Variants in CC2D2B observed in about 807,000 individuals in gnomAD.
CC2D2B encodes protein CC2D2B.
A neutral mutation model predicts 161.2 loss-of-function variants in CC2D2B; 128 were observed. The ratio of observed to expected loss-of-function variants is 0.79; its 90% CI spans 0.69 to 0.92. The LOEUF is 0.92. Ranked by LOEUF, CC2D2B falls within the 40% of genes least tolerant of loss-of-function variation. The pLI, the probability that CC2D2B is intolerant of heterozygous loss-of-function variation, is 0.00. For synonymous variants in CC2D2B, 391 were observed against 449.8 expected, an observed-to-expected ratio of 0.87 and a Z score of 1.65; for missense variants, 1,173 against 1,375.1, an observed-to-expected ratio of 0.85 and a Z score of 2.32.
At chr10:96,016,108 GAGTAC>G in intron 29 of CC2D2B, 88 bp from the exon 30 acceptor site, 1 of 758,070 alleles carries the variant, frequency 1.3e-6, no homozygotes, top group Non-Finnish European at 2.2e-6. Context: ...GAACTGGAGT[GAGTAC>G]AGGTGCTCCG....
intron 25 of CC2D2B, among the ~76,000 whole-genome samples, chr10:96,005,060 A>G (rs1373795928): frequency 6.6e-6 from 1 of 152,218 alleles, no homozygotes; most frequent in Non-Finnish European, 1.5e-5. Context: ...CTTTAAATCA[A>G]CCATGATAAA....
intron 30 of CC2D2B, among the ~76,000 whole-genome samples, chr10:96,016,605 A>C (rs779485616): frequency 6.6e-6 from 1 of 152,242 alleles, no homozygotes; most frequent in Non-Finnish European, 1.5e-5. Context: ...GACTGAGAGC[A>C]GCACCTGGAC....
At chr10:95,939,942 A>G (rs1379585014) in intron 9 of CC2D2B, among the ~76,000 whole-genome samples, 2 of 152,216 alleles carry the variant, frequency 1.3e-5, no homozygotes, top group African/African-American at 4.8e-5. Context: ...ACATTACTAT[A>G]AAGAAATACC....
intron 6 of CC2D2B, among the ~76,000 whole-genome samples, chr10:95,934,427 A>T (rs1240711223): frequency 7.3e-6 from 1 of 136,924 alleles, no homozygotes; most frequent in African/African-American, 2.7e-5. Context: ...TCCAGGCACC[A>T]CTGGGGTATG....
intron 12 of CC2D2B, 146 bp downstream of exon 12, chr10:95,962,115 CAT>C (rs57738249): frequency 0.46 from 140,974 of 305,466 alleles, 26,018 homozygotes; most frequent in Admixed American, 0.53. Flanking sequence ...AATACATAAA[CAT>C]ATATATATAT....
intron 10 of CC2D2B, 54 bp downstream of exon 10, chr10:95,950,159 T>A: frequency 2.5e-6 from 1 of 398,294 alleles, no homozygotes. Flanking sequence ...AAAGAAAAAA[T>A]TCCTTGTGCA....
At chr10:95,999,446 G>T (rs2039617) in intron 24 of CC2D2B, among the ~76,000 whole-genome samples, 2 of 150,654 alleles carry the variant, frequency 1.3e-5, no homozygotes, top group African/African-American at 2.4e-5. Flanking sequence ...ACTTTTGTCT[G>T]TTTTTCTTTT....
intron 24 of CC2D2B, chr10:96,000,017 T>G: frequency 7.5e-7 from 1 of 1,326,072 alleles, no homozygotes; most frequent in Non-Finnish European, 1.0e-6. Context: ...CCCTTCTTTG[T>G]TTACAACAAT....
chr10:95,960,838 T>G (rs1590614430), intron 11 of CC2D2B, among the ~76,000 whole-genome samples: 1 of 152,160 alleles, frequency 6.6e-6, no homozygotes, highest in Non-Finnish European at 1.5e-5. Context: ...TCTATCTTCA[T>G]GCACTTTAAG....
At chr10:95,935,203 A>C (rs1019316596) in intron 6 of CC2D2B, among the ~76,000 whole-genome samples, 10 of 152,246 alleles carry the variant, frequency 6.6e-5, no homozygotes, top group African/African-American at 1.9e-4. Context: ...TCACAGTAGT[A>C]AATGGCAATT....
At chr10:95,910,973 C>T (rs992869148) in intron 1 of CC2D2B, among the ~76,000 whole-genome samples, 1 of 151,926 alleles carries the variant, frequency 6.6e-6, no homozygotes, top group Admixed American at 6.6e-5. Flanking sequence ...CTGCCAATTC[C>T]AATTTTCTAA....
chr10:95,996,348 C>A, intron 24 of CC2D2B, 96 bp downstream of exon 24: 2 of 597,952 alleles, frequency 3.3e-6, no homozygotes, highest in African/African-American at 1.8e-5. Flanking sequence ...TTGAAATAGG[C>A]TTTATTTAAG....
At chr10:96,025,158 T>A (rs77946660) in intron 33 of CC2D2B, among the ~76,000 whole-genome samples, 958 of 7,920 alleles carry the variant, frequency 0.12, 34 homozygotes, top group Middle Eastern at 0.29. Context: ...AAAAAAAATA[T>A]ATATATATAT....
chr10:95,992,978 G>A (rs998531388), intron 22 of CC2D2B: 4 of 218,228 alleles, frequency 1.8e-5, no homozygotes, highest in African/African-American at 9.1e-5. Context: ...AAATTCCTTT[G>A]TCTCTATTCC....
intron 10 of CC2D2B, among the ~76,000 whole-genome samples, chr10:95,954,484 G>A (rs577927856): frequency 1.5e-4 from 23 of 152,062 alleles, no homozygotes; most frequent in Non-Finnish European, 2.9e-4. Context: ...GTCTAGTTCC[G>A]TACTGTTTCA....
chr10:96,016,457 G>A (rs1305953109), intron 30 of CC2D2B, 143 bp downstream of exon 30: 2 of 618,224 alleles, frequency 3.2e-6, no homozygotes, highest in Non-Finnish European at 5.8e-6. Context: ...TTAGTTAAGA[G>A]GATAATGTTG....
intron 33 of CC2D2B, among the ~76,000 whole-genome samples, chr10:96,025,318 C>A (rs1389350580): frequency 8.3e-6 from 1 of 120,728 alleles, no homozygotes; most frequent in Non-Finnish European, 1.6e-5. Context: ...TATGATCACA[C>A]AACACACCAC....
rs376605711 is a variant in CC2D2B at position 96,017,371 on chromosome 10, T to C, written c.3630+1057T>C. ...AGAAGTTCATTCCCTCTATATGATCTCCTGCCGTAGTTGTAAGTGCCACTA... is the reference window on the plus strand; with the variant it reads ...AGAAGTTCATTCCCTCTATATGATCCCCTGCCGTAGTTGTAAGTGCCACTA... On this transcript the variant is annotated intron_variant, in intron 30 of 34. Transcript: ENST00000646931. Among the ~76,000 whole-genome samples, 34 of 152,316 alleles carry C rather than the reference T, an allele frequency of 2.2e-4. No individual in the cohort carries two copies. The East Asian group carries it at 6.0e-3, about 27-fold the overall frequency.
At chr10:95,935,816 C>T (rs1247279774) in intron 6 of CC2D2B, among the ~76,000 whole-genome samples, 2 of 152,096 alleles carry the variant, frequency 1.3e-5, no homozygotes, top group African/African-American at 4.8e-5. Context: ...AAATAGTACC[C>T]CCAACCTACC....
Sources: allele counts gnomAD v4.1 joint callset (sites outside exome capture counted in the v4.1 genomes callset), GRCh38; gene constraint gnomAD v4.1.1; transcripts MANE v1.5; gene names NCBI Gene and HGNC (gene_info 2026-07-23, HGNC 2026-07-21).